Variants in PTPRG observed in about 807,000 individuals in gnomAD.
The protein encoded by PTPRG is protein tyrosine phosphatase receptor type G, also known as receptor-type tyrosine-protein phosphatase gamma.
Under a neutral mutation model 165.3 loss-of-function variants are expected in PTPRG, and 102 were observed. The ratio of observed to expected loss-of-function variants is 0.62; its 90% CI spans 0.53 to 0.73. The LOEUF (loss-of-function observed/expected upper bound fraction) is 0.73, where lower values mean the gene tolerates loss of function less well. Among genes scored for constraint, PTPRG ranks in the 30% least tolerant of loss-of-function variants. The pLI, the probability that PTPRG is intolerant of heterozygous loss-of-function variation, is 0.00. For missense variants in PTPRG, 1,866 were observed against 1,861.4 expected (o/e 1.00, Z -0.05); for synonymous variants, 675 against 669.5 (o/e 1.01, Z -0.13).
chr3:62,142,014 G>A (rs938098594), intron 6 of PTPRG, among the ~76,000 whole-genome samples: 1 of 151,372 alleles, frequency 6.6e-6, no homozygotes. Flanking sequence ...ACGTAGTGGT[G>A]CAGTCATAGA....
intron 2 of PTPRG, among the ~76,000 whole-genome samples, chr3:61,920,247 C>G (rs771113525): frequency 6.6e-6 from 1 of 152,180 alleles, no homozygotes; most frequent in Non-Finnish European, 1.5e-5. Flanking sequence ...CAGAGTCTTT[C>G]CAGCTCTGTG....
chr3:61,739,103 C>T (rs1575622419), intron 1 of PTPRG: 1 of 138,160 alleles, frequency 7.2e-6, no homozygotes, highest in African/African-American at 2.8e-5. Flanking sequence ...GGGACTTGGC[C>T]TATTTGAAAA....
At chr3:61,763,052 C>T (rs1324964147) in intron 2 of PTPRG, among the ~76,000 whole-genome samples, 1 of 152,142 alleles carries the variant, frequency 6.6e-6, no homozygotes, top group African/African-American at 2.4e-5. Context: ...GCATCCCACC[C>T]CTGGTGAATC....
At chr3:61,742,350 T>C in intron 1 of PTPRG, 1 of 734,372 alleles carries the variant, frequency 1.4e-6, no homozygotes, top group East Asian at 2.7e-5. Flanking sequence ...TCTTCAGTAG[T>C]AGGTGACTCT....
intron 2 of PTPRG, among the ~76,000 whole-genome samples, chr3:61,771,834 C>T (rs892531653): frequency 2.6e-5 from 4 of 151,714 alleles, no homozygotes; most frequent in Non-Finnish European, 5.9e-5. Context: ...GCTGAGGTGG[C>T]GGGTCACCTG....
rs1700813666 is a variant in PTPRG, at chr3:62,228,354, A to T, written c.2289-2871A>T. On this transcript the variant is annotated intron_variant, in intron 13 of 29. Transcript: ENST00000474889. The surrounding 1 kb of genome is among the most constrained non-coding windows in gnomAD (Gnocchi z 4.1). ...TGGCCAAAATGGTGAAACCCCGTCTACTAAAAATACAAAAACAATTAGCCG... is the reference window on the plus strand; with the variant it reads ...TGGCCAAAATGGTGAAACCCCGTCTTCTAAAAATACAAAAACAATTAGCCG... Among the ~76,000 whole-genome samples, 1 of 152,064 alleles carries T rather than the reference A, an allele frequency of 6.6e-6. No homozygotes were observed. The highest frequency in any genetic ancestry group is 2.4e-5 in the African/African-American group (1 of 41,396).
chr3:62,011,966 TG>T (rs2041433162), intron 4 of PTPRG, among the ~76,000 whole-genome samples: 1 of 152,186 alleles, frequency 6.6e-6, no homozygotes, highest in Admixed American at 6.5e-5. Flanking sequence ...AAAGAAAACC[TG>T]GTTAAGTTGG....
At chr3:61,897,949 T>A (rs1261152812) in intron 2 of PTPRG, among the ~76,000 whole-genome samples, 1 of 152,178 alleles carries the variant, frequency 6.6e-6, no homozygotes, top group African/African-American at 2.4e-5. Context: ...TTTTTTTTCA[T>A]GGATTCCTTG....
chr3:61,589,349 T>C (rs575115662), intron 1 of PTPRG, among the ~76,000 whole-genome samples: 1 of 152,282 alleles, frequency 6.6e-6, no homozygotes, highest in South Asian at 2.1e-4. Context: ...CTATCACTTG[T>C]TGAATGATAT....
In PTPRG at chr3:61,995,677, C is replaced by T. The variant is rs192807721; in HGVS notation, c.370+5873C>T. ...AGTCTAGGCTTTCCGCCTGCCTGCC[C>T]GCCCGCCTTCCTTCCTTCCTTCCTT... On this transcript the variant is annotated intron_variant, in intron 3 of 29. Coordinates refer to ENST00000474889, the MANE Select transcript of PTPRG (RefSeq NM_002841.4). Among the ~76,000 whole-genome samples the T allele has an allele frequency of 2.3e-3, 222 of 95,842 alleles. 4 individuals are homozygous for T. The highest frequency in any genetic ancestry group is 8.3e-3 in the African/African-American group (209 of 25,088). The allele number at this position is 95,842 out of a possible 152,430, so 62.9% of individuals were successfully genotyped here. A position where few individuals can be genotyped will look rare whatever the true frequency, so the allele number is the denominator to read the frequency against.
In PTPRG at chr3:62,296,582, A is replaced by G. The variant is rs868017396; in HGVS notation, c.*3275A>G. The G allele has an allele frequency of 4.0e-5, 6 of 151,546 alleles. No homozygotes were observed. In the South Asian group the frequency reaches 6.2e-4, roughly 16 times the overall value. 9.4% of individuals were successfully genotyped at this position (151,546 alleles called of 1,614,324 possible). On this transcript the variant is annotated 3_prime_UTR_variant, in exon 30 of 30. Coordinates refer to ENST00000474889, the MANE Select transcript of PTPRG (RefSeq NM_002841.4). ...TGGTTATACTGGAAATGCATTTTCA[A>G]CTCCTATGTTCTAAAGTTTATGTTC... is the stretch of plus-strand genomic sequence containing the variant.
In PTPRG at chr3:61,561,654, T is replaced by A. The variant is rs569243911; in HGVS notation, c.-634T>A. 6.5e-6 allele frequency: 1 copy of A among 153,280 alleles called. No homozygotes were observed. The highest frequency in any genetic ancestry group is 2.4e-5 in the African/African-American group (1 of 41,582). 9.5% of individuals were successfully genotyped at this position (153,280 alleles called of 1,614,324 possible). On this transcript the variant is annotated 5_prime_UTR_variant, in exon 1 of 30. Coordinates refer to ENST00000474889, the MANE Select transcript of PTPRG (RefSeq NM_002841.4). ...CCAGCCTGCGCCGGAGCCACAACTT[T>A]CAGGAGCATGGACTGAAGGCGCCCT...
At chr3:62,192,363 T>C (rs1010420668) in intron 9 of PTPRG, among the ~76,000 whole-genome samples, 12 of 147,184 alleles carry the variant, frequency 8.2e-5, no homozygotes, top group Middle Eastern at 3.6e-3. Context: ...GCCATCTCCT[T>C]CCCTATAAAG....
At chr3:61,610,016 TA>T (rs1701124230) in intron 1 of PTPRG, among the ~76,000 whole-genome samples, 1 of 148,648 alleles carries the variant, frequency 6.7e-6, no homozygotes. Context: ...AAAATGTTTT[TA>T]TTTGTATCTA....
intron 2 of PTPRG, among the ~76,000 whole-genome samples, chr3:61,824,357 G>A (rs2036045212): frequency 6.6e-6 from 1 of 152,188 alleles, no homozygotes; most frequent in South Asian, 2.1e-4. Flanking sequence ...AAGAATGTAA[G>A]CAACCTTCCT....
chr3:62,132,153 C>T (rs1442995425), intron 5 of PTPRG, among the ~76,000 whole-genome samples: 1 of 152,142 alleles, frequency 6.6e-6, no homozygotes, highest in African/African-American at 2.4e-5. Flanking sequence ...GACTGGGATC[C>T]TTACGAAGGA....
At chr3:61,960,329 T>C (rs1044137111) in intron 2 of PTPRG, among the ~76,000 whole-genome samples, 3 of 151,908 alleles carry the variant, frequency 2.0e-5, no homozygotes, top group African/African-American at 4.8e-5. Flanking sequence ...CCTCTTCTTC[T>C]TGAAATGACT....
chr3:61,584,424 T>C lies in PTPRG; in HGVS notation c.85+22052T>C, dbSNP rs72888670. 9.8e-3 allele frequency among the ~76,000 whole-genome samples: 1,485 copies of C among 152,276 alleles called. 18 individuals are homozygous for C. The highest frequency in any genetic ancestry group is 0.034 in the African/African-American group (1,407 of 41,556). ...TTACCTCCAGAGTTCCTCTCTCTTA[T>C]CGTATCTTGTCCCTCGCTCCATTTC... On this transcript the variant is annotated intron_variant, in intron 1 of 29. Coordinates refer to ENST00000474889, the MANE Select transcript of PTPRG (RefSeq NM_002841.4).
chr3:61,764,917 G>T (rs892121048), intron 2 of PTPRG, among the ~76,000 whole-genome samples: 1 of 152,294 alleles, frequency 6.6e-6, no homozygotes, highest in Non-Finnish European at 1.5e-5. Context: ...CATTTAGTGG[G>T]TAGAGGAACA....
Sources: gnomAD v4.1 joint callset for allele counts (sites outside exome capture counted in the v4.1 genomes callset) on GRCh38, gnomAD v4.1.1 for gene constraint, Gnocchi (gnomAD v3.1) non-coding constraint, MANE v1.5 for transcripts, NCBI Gene and HGNC (gene_info 2026-07-23, HGNC 2026-07-21) for gene names.